CTCF: variants seen among roughly 807,000 people sequenced by gnomAD.
CTCF encodes transcriptional repressor CTCF.
In CTCF, 7 loss-of-function variants were observed where a neutral mutation model predicts 72.3. That is an observed-to-expected ratio of 0.10 (90% CI 0.06 to 0.18). The LOEUF is 0.18. CTCF is among the 10% of genes least tolerant of loss of function. The pLI, the probability that CTCF is intolerant of heterozygous loss-of-function variation, is 1.00. For missense variants in CTCF, 516 were observed against 949.1 expected, an observed-to-expected ratio of 0.54 and a Z score of 6.00; for synonymous variants, 374 against 315.8, an observed-to-expected ratio of 1.18 and a Z score of -1.95.
chr16:67,607,523 C>A (rs2051991727), intron 2 of CTCF, among the ~76,000 whole-genome samples: 1 of 151,522 alleles, frequency 6.6e-6, no homozygotes, highest in Non-Finnish European at 1.5e-5. Flanking sequence ...CCAGGCTGGT[C>A]TTGAACTCCT....
In CTCF at chr16:67,597,183, C is replaced by G. The variant is rs535912446; in HGVS notation, c.-9-13641C>G. The stretch of plus-strand genomic sequence containing the variant: ...CTGAATAGCTGAGACCCCAGGCGCA[C>G]ACCACCATGCCCAGCTGACTTTTTG... On this transcript the variant is annotated intron_variant, in intron 2 of 11. Transcript: ENST00000264010. Among the ~76,000 whole-genome samples the G allele has an allele frequency of 5.9e-5, 9 of 152,212 alleles. No homozygotes were observed. In the South Asian group the frequency reaches 1.7e-3, roughly 28 times the overall value.
At chr16:67,623,920 T>TGGGC (rs2052238227) in intron 7 of CTCF, among the ~76,000 whole-genome samples, 1 of 151,696 alleles carries the variant, frequency 6.6e-6, no homozygotes, top group African/African-American at 2.4e-5. Context: ...TGGTGGCACA[T>TGGGC]GCCTGTAGTC....
chr16:67,577,862 T>G (rs1220774410), intron 2 of CTCF, among the ~76,000 whole-genome samples: 2 of 152,172 alleles, frequency 1.3e-5, no homozygotes, highest in Non-Finnish European at 2.9e-5. Flanking sequence ...TAGAGGGGAT[T>G]GAGGTTGCAG....
At chr16:67,575,669 C>T (rs2051486870) in intron 2 of CTCF, among the ~76,000 whole-genome samples, 1 of 152,040 alleles carries the variant, frequency 6.6e-6, no homozygotes, top group African/African-American at 2.4e-5. Flanking sequence ...TCTCAAACTC[C>T]TGACCTCAGG....
At chr16:67,624,647 C>T (rs556711409) in intron 7 of CTCF, among the ~76,000 whole-genome samples, 20 of 151,344 alleles carry the variant, frequency 1.3e-4, no homozygotes, top group African/African-American at 3.6e-4. Context: ...GGCTGGAGTT[C>T]GGTGGCTCAG....
intron 2 of CTCF, among the ~76,000 whole-genome samples, chr16:67,605,003 C>T (rs1317103249): frequency 1.2e-4 from 13 of 112,354 alleles, no homozygotes; most frequent in South Asian, 2.9e-4. Context: ...GAGACAGTCT[C>T]GCTCTGTCTC....
intron 4 of CTCF, among the ~76,000 whole-genome samples, chr16:67,613,049 T>G (rs1038004000): frequency 2.6e-5 from 4 of 152,262 alleles, no homozygotes; most frequent in African/African-American, 9.6e-5. Context: ...AACATTTATT[T>G]GAGCATCCTA....
intron 2 of CTCF, among the ~76,000 whole-genome samples, chr16:67,600,912 A>G (rs1413777858): frequency 6.6e-6 from 1 of 152,192 alleles, no homozygotes; most frequent in African/African-American, 2.4e-5. Flanking sequence ...TGGTCCACAA[A>G]AAATATTTGA....
chr16:67,584,337 C>CTTCTTCTTTTTT (rs1462998203), intron 2 of CTCF, among the ~76,000 whole-genome samples: 1 of 105,860 alleles, frequency 9.4e-6, no homozygotes, highest in African/African-American at 4.3e-5. Flanking sequence ...AAAAAGTCTT[C>CTTCTTCTTTTTT]TTTTTTTTTT....
chr16:67,626,902 T>G, intron 8 of CTCF, 187 bp downstream of exon 8: 1 of 407,712 alleles, frequency 2.5e-6, no homozygotes, highest in Non-Finnish European at 4.3e-6. Context: ...CAGATGATGT[T>G]TTATTCAGTC....
At chr16:67,579,351 T>G (rs1221551208) in intron 2 of CTCF, among the ~76,000 whole-genome samples, 2 of 151,944 alleles carry the variant, frequency 1.3e-5, no homozygotes, top group South Asian at 2.1e-4. Flanking sequence ...CAATCTTTGT[T>G]TTTTTTTGTT....
intron 4 of CTCF, among the ~76,000 whole-genome samples, chr16:67,613,389 A>G (rs2052086341): frequency 6.6e-6 from 1 of 152,238 alleles, no homozygotes; most frequent in Non-Finnish European, 1.5e-5. Flanking sequence ...GCACATGGGC[A>G]CATTCTTCAC....
chr16:67,578,029 A>C (rs1262095959), intron 2 of CTCF, among the ~76,000 whole-genome samples: 1 of 152,194 alleles, frequency 6.6e-6, no homozygotes, highest in African/African-American at 2.4e-5. Context: ...CCAGAGCTGA[A>C]GACTATTAAT....
chr16:67,572,003 C>G (rs564093769), intron 2 of CTCF, among the ~76,000 whole-genome samples: 5 of 152,004 alleles, frequency 3.3e-5, no homozygotes, highest in African/African-American at 1.2e-4. Flanking sequence ...TTTTCAGACC[C>G]TAGAAAAATG....
At chr16:67,621,629 T>G in intron 7 of CTCF, 38 bp downstream of exon 7, 1 of 1,495,072 alleles carries the variant, frequency 6.7e-7, no homozygotes, top group Non-Finnish European at 9.2e-7. Flanking sequence ...AAAAAATATT[T>G]TGAAGGATTT....
chr16:67,605,258 C>A (rs1034475142), intron 2 of CTCF, among the ~76,000 whole-genome samples: 1 of 152,172 alleles, frequency 6.6e-6, no homozygotes, highest in Non-Finnish European at 1.5e-5. Flanking sequence ...CAGGCGTGAG[C>A]CACCACGCTT....
intron 2 of CTCF, among the ~76,000 whole-genome samples, chr16:67,589,454 G>GT (rs1400510958): frequency 6.6e-6 from 1 of 151,990 alleles, no homozygotes; most frequent in Non-Finnish European, 1.5e-5. Context: ...GTCAGGCAAG[G>GT]TCCACCTCAT....
intron 2 of CTCF, among the ~76,000 whole-genome samples, chr16:67,605,095 C>G (rs913526931): frequency 2.0e-5 from 3 of 150,960 alleles, no homozygotes; most frequent in African/African-American, 7.3e-5. Flanking sequence ...GCCTCAGCCT[C>G]CCGAGTAGCT....
intron 2 of CTCF, among the ~76,000 whole-genome samples, chr16:67,585,228 T>C (rs1284226091): frequency 6.6e-6 from 1 of 152,142 alleles, no homozygotes; most frequent in Non-Finnish European, 1.5e-5. Context: ...TTTTTGTATT[T>C]AGTAGTGAAC....
Sources: allele counts gnomAD v4.1 joint callset (sites outside exome capture counted in the v4.1 genomes callset), GRCh38; gene constraint gnomAD v4.1.1; transcripts MANE v1.5; gene names NCBI Gene and HGNC (gene_info 2026-07-23, HGNC 2026-07-21).